CACNA1C: variants seen among roughly 807,000 people sequenced by gnomAD.
CACNA1C encodes voltage-dependent L-type calcium channel subunit alpha-1C.
In CACNA1C, 30 loss-of-function variants were observed where a neutral mutation model predicts 229.0. The ratio of observed to expected loss-of-function variants is 0.13; its 90% CI spans 0.10 to 0.18. CACNA1C has a LOEUF of 0.18. CACNA1C is among the 10% of genes least tolerant of loss of function. The pLI is 1.00. For missense variants in CACNA1C, 1,658 were observed against 2,845.0 expected (o/e 0.58, Z 9.49); for synonymous variants, 1,114 against 1,132.5 (o/e 0.98, Z 0.33).
At chr12:2,070,961 C>CCCTG (rs1258819032) in intron 1 of CACNA1C, among the ~76,000 whole-genome samples, 2 of 124,306 alleles carry the variant, frequency 1.6e-5, no homozygotes, top group Non-Finnish European at 3.4e-5. Context: ...CTCCCTCCCT[C>CCCTG]CCTGCCTGCC....
rs1379832104 is a variant in CACNA1C at position 2,649,197 on chromosome 12, G to C, written c.3945+690G>C. Among the ~76,000 whole-genome samples the C allele has an allele frequency of 6.6e-6, 1 of 152,232 alleles. No homozygotes were observed. The highest frequency in any genetic ancestry group is 2.4e-5 in the African/African-American group (1 of 41,464). On this transcript the variant is annotated intron_variant, in intron 31 of 46. Coordinates refer to ENST00000399655, the MANE Select transcript of CACNA1C (RefSeq NM_000719.7). This position sits in a 1 kb window ranked among gnomAD's most constrained non-coding sequence, Gnocchi z 4.4. ...TGATTGGACCACTCCTGTTGTAGGA[G>C]TCTCTGATTCGCGTTGGTTGAAGTG...
chr12:2,284,293 AT>A (rs35238168), intron 3 of CACNA1C, among the ~76,000 whole-genome samples: 3,274 of 139,664 alleles, frequency 0.023, 51 homozygotes, highest in East Asian at 0.061. Flanking sequence ...AGACCTCTAG[AT>A]TTTTTTTTTT....
At chr12:2,173,080 T>C (rs532161017) in intron 3 of CACNA1C, among the ~76,000 whole-genome samples, 108 of 152,072 alleles carry the variant, frequency 7.1e-4, no homozygotes, top group South Asian at 5.2e-3. Context: ...CGGTGTCTCT[T>C]ACTTAAGAGT....
chr12:2,454,662 CT>C lies in CACNA1C; in HGVS notation c.618-2902del, dbSNP rs1197978888. On this transcript the variant is annotated intron_variant, in intron 4 of 46. Transcript: ENST00000399655. ...ATCTGCAAAGTTGAGCAGACTCTCA[CT>C]TTACACTCATGACCTCCAACCTCAA... Among the ~76,000 whole-genome samples, 2 of 152,198 alleles carry C rather than the reference CT, an allele frequency of 1.3e-5. 1 individual carries two copies. The highest frequency in any genetic ancestry group is 2.9e-5 in the Non-Finnish European group (2 of 68,044).
chr12:2,477,530 T>C (rs1197901024), intron 5 of CACNA1C, among the ~76,000 whole-genome samples: 1 of 152,144 alleles, frequency 6.6e-6, no homozygotes, highest in East Asian at 1.9e-4. Flanking sequence ...CCCACTCTGC[T>C]CTCTGGCTGG....
chr12:2,204,424 C>T (rs1454660124), intron 3 of CACNA1C, among the ~76,000 whole-genome samples: 1 of 151,736 alleles, frequency 6.6e-6, no homozygotes, highest in Non-Finnish European at 1.5e-5. Context: ...ACCATTTGAC[C>T]CAGCCATCCC....
intron 3 of CACNA1C, among the ~76,000 whole-genome samples, chr12:2,439,786 T>C (rs1481706896): frequency 6.6e-6 from 1 of 152,152 alleles, no homozygotes; most frequent in Non-Finnish European, 1.5e-5. Context: ...CCAGCCTCAA[T>C]TGCTGCTTGC....
rs191733896 is a variant in CACNA1C, at chr12:2,309,488, C to T, written c.478-139488C>T. ...TAAGGCCTATGACACCACACACACACACATACACACACACACACACACACA... is the reference window on the plus strand; with the variant it reads ...TAAGGCCTATGACACCACACACACATACATACACACACACACACACACACA... On this transcript the variant is annotated intron_variant, in intron 3 of 46. Coordinates refer to ENST00000399655, the MANE Select transcript of CACNA1C (RefSeq NM_000719.7). 3.0e-4 allele frequency among the ~76,000 whole-genome samples: 46 copies of T among 151,304 alleles called. No homozygotes were observed. In the East Asian group the frequency reaches 8.5e-3, roughly 28 times the overall value.
intron 3 of CACNA1C, among the ~76,000 whole-genome samples, chr12:2,369,403 CTT>C (rs372810217): frequency 4.2e-5 from 6 of 142,006 alleles, no homozygotes; most frequent in East Asian, 2.0e-4. Flanking sequence ...CTTTACATAC[CTT>C]TTTTTTTTTT....
chr12:2,534,648 TGAGCAAGTCCTCATCTCTCCA>T (rs910356363), intron 9 of CACNA1C, among the ~76,000 whole-genome samples: 1 of 152,192 alleles, frequency 6.6e-6, no homozygotes, highest in Non-Finnish European at 1.5e-5. Context: ...CTTCTACTAA[TGAGCAAGTCCTCATCTCTCCA>T]GATAGCCAGG....
At position 2,677,641 on chromosome 12, in the gene CACNA1C, T is replaced by G; in HGVS notation, c.4957-92T>G. 1.4e-6 allele frequency: 2 copies of G among 1,446,466 alleles called. No homozygotes were observed. Among genetic ancestry groups the G allele is most frequent in the Non-Finnish European group, 1.9e-6 (2 of 1,057,664 alleles). The allele number at this position is 1,446,466 out of a possible 1,614,324, so 89.6% of individuals were successfully genotyped here. A position where few individuals can be genotyped will look rare whatever the true frequency, so the allele number is the denominator to read the frequency against. On this transcript the variant is annotated intron_variant, in intron 40 of 46. Coordinates refer to ENST00000399655, the MANE Select transcript of CACNA1C (RefSeq NM_000719.7). This position sits in a 1 kb window ranked among gnomAD's most constrained non-coding sequence, Gnocchi z 7.4. ...GGCTGGGTGGAGGATGCCAGGGCCCTGGAGGGACAGGTCTTGGCCCGAGGC... is the reference window on the plus strand; with the variant it reads ...GGCTGGGTGGAGGATGCCAGGGCCCGGGAGGGACAGGTCTTGGCCCGAGGC...
At chr12:2,045,888 C>T (rs1240361584) in intron 1 of CACNA1C, among the ~76,000 whole-genome samples, 1 of 151,752 alleles carries the variant, frequency 6.6e-6, no homozygotes, top group African/African-American at 2.4e-5. Flanking sequence ...AAGACATCGT[C>T]TGGGATTATC....
At chr12:2,031,664 T>C (rs2048244225) in intron 1 of CACNA1C, among the ~76,000 whole-genome samples, 1 of 152,236 alleles carries the variant, frequency 6.6e-6, no homozygotes, top group Non-Finnish European at 1.5e-5. Flanking sequence ...AATAAAGTTA[T>C]TGGGGAGATT....
rs116803017 is a variant in CACNA1C, at chr12:2,610,836, G to A, written c.3717+137G>A. 1.7e-3 allele frequency: 1,452 copies of A among 857,284 alleles called. 18 individuals are homozygous for A. The African/African-American group carries it at 0.021, about 12-fold the overall frequency. 53.1% of individuals were successfully genotyped at this position (857,284 alleles called of 1,614,324 possible). ...GGGAGGCATTTGGAGAAAGACGAGT[G>A]TTCTCTGTCAAGGATGTGCTCCTCT... On this transcript the variant is annotated intron_variant, in intron 28 of 46. Coordinates refer to ENST00000399655, the MANE Select transcript of CACNA1C (RefSeq NM_000719.7).
chr12:2,172,485 A>G (rs2096525464), intron 3 of CACNA1C, among the ~76,000 whole-genome samples: 1 of 152,218 alleles, frequency 6.6e-6, no homozygotes, highest in Admixed American at 6.5e-5. Context: ...AATTATGATA[A>G]TCTCACAATT....
At chr12:2,177,418 A>G (rs1277547254) in intron 3 of CACNA1C, among the ~76,000 whole-genome samples, 3 of 152,174 alleles carry the variant, frequency 2.0e-5, no homozygotes, top group African/African-American at 7.2e-5. Flanking sequence ...ACAGCTTGAA[A>G]GCATCCCTTC....
chr12:2,123,934 C>A (rs1421600339), intron 3 of CACNA1C, among the ~76,000 whole-genome samples: 2 of 152,094 alleles, frequency 1.3e-5, no homozygotes, highest in South Asian at 2.1e-4. Flanking sequence ...TAGGAGAGCA[C>A]CTTAGTAAGG....
chr12:2,235,529 G>C lies in CACNA1C; in HGVS notation c.477+115099G>C, dbSNP rs116800616. ...TGCAGCATTTTTATTATTTCTGGTA[G>C]ATGAGGAGATCTTGCCATCACTAGG... On this transcript the variant is annotated intron_variant, in intron 3 of 46. Transcript: ENST00000399655. Among the ~76,000 whole-genome samples, 1,289 of 152,324 alleles carry C rather than the reference G, an allele frequency of 8.5e-3. 20 individuals are homozygous for C. Among genetic ancestry groups the C allele is most frequent in the African/African-American group, 0.029 (1,217 of 41,548 alleles).
In CACNA1C at chr12:2,641,747, T is replaced by G. The variant is rs1163166003; in HGVS notation, c.3913-6728T>G. ...ATGCTCAACCTGCAGGTGGAATGTT[T>G]ATTGTATCTCAGGTGAGCCTTTAGC... On this transcript the variant is annotated intron_variant, in intron 30 of 46. Coordinates refer to ENST00000399655, the MANE Select transcript of CACNA1C (RefSeq NM_000719.7). 10 of 702,410 alleles carry G rather than the reference T, an allele frequency of 1.4e-5. No individual in the cohort carries two copies. In the East Asian group the frequency reaches 2.7e-4, roughly 19 times the overall value. The allele number at this position is 702,410 out of a possible 1,614,324, so 43.5% of individuals were successfully genotyped here.
Sources: allele counts gnomAD v4.1 joint callset (sites outside exome capture counted in the v4.1 genomes callset), GRCh38; gene constraint gnomAD v4.1.1; non-coding constraint Gnocchi (gnomAD v3.1); transcripts MANE v1.5; gene names NCBI Gene and HGNC (gene_info 2026-07-23, HGNC 2026-07-21).